SOX10: variants seen among roughly 807,000 people sequenced by gnomAD.
SOX10 encodes the protein transcription factor SOX-10.
Under a neutral mutation model 35.0 loss-of-function variants are expected in SOX10, and 3 were observed. The ratio of observed to expected loss-of-function variants is 0.09; its 90% CI spans 0.04 to 0.22. The LOEUF is 0.22. Among genes scored for constraint, SOX10 ranks in the 10% least tolerant of loss-of-function variants. The pLI, the probability that SOX10 is intolerant of heterozygous loss-of-function variation, is 1.00. For missense variants in SOX10, 436 were observed against 655.1 expected (o/e 0.67, Z 3.65); for synonymous variants, 285 against 291.0 (o/e 0.98, Z 0.21).
At chr22:37,975,246 T>C (rs941206551) in intron 3 of SOX10, among the ~76,000 whole-genome samples, 3 of 152,208 alleles carry the variant, frequency 2.0e-5, no homozygotes, top group Non-Finnish European at 4.4e-5. Context: ...GCTCATAGTC[T>C]AGTCATAGAT....
Position 37,983,230 on chromosome 22 carries a change from T to C in SOX10, c.428+127A>G. ...CGGGCGCGGCCCCCACACCTGGTCTTCCAGCCCTATCCAAGGAGGACTGCC... is the reference window on the plus strand; with the variant it reads ...CGGGCGCGGCCCCCACACCTGGTCTCCCAGCCCTATCCAAGGAGGACTGCC... On this transcript the variant is annotated intron_variant, in intron 2 of 3. Coordinates refer to ENST00000396884, the MANE Select transcript of SOX10 (RefSeq NM_006941.4). This position sits in a 1 kb window ranked among gnomAD's most constrained non-coding sequence, Gnocchi z 9.5. The C allele has an allele frequency of 1.7e-6, 2 of 1,162,612 alleles. No homozygotes were observed. The highest frequency in any genetic ancestry group is 2.5e-6 in the Non-Finnish European group (2 of 808,162). The allele number at this position is 1,162,612 out of a possible 1,614,324, so 72.0% of individuals were successfully genotyped here.
chr22:37,983,493 T>G lies in SOX10; in HGVS notation c.292A>C (p.Ser98Arg). ...VPMPVRVNGA[S>R]KSKPHVKRPM... Reference sequence around the variant, plus strand: ...CGCTTGACGTGCGGCTTGCTTTTGCTGGCGCCGTTGACGCGCACGGGCATG... The same window carrying G: ...CGCTTGACGTGCGGCTTGCTTTTGCGGGCGCCGTTGACGCGCACGGGCATG... The change falls in exon 2 of 4, where the codon AGC (serine) becomes CGC (arginine). Residue 98 changes from serine to arginine, a missense_variant. By Grantham distance (110) the Ser-to-Arg change is moderately radical. This residue lies in a region of SOX10 where 54 missense variants were observed against 156.7 expected (regional missense o/e 0.34). Transcript: ENST00000396884. The surrounding 1 kb of genome is among the most constrained non-coding windows in gnomAD (Gnocchi z 9.5). 1.2e-6 allele frequency: 2 copies of G among 1,611,642 alleles called. No individual in the cohort carries two copies. Among genetic ancestry groups the G allele is most frequent in the Non-Finnish European group, 1.7e-6 (2 of 1,179,350 alleles).
At position 37,983,476 on chromosome 22, in the gene SOX10, G is replaced by A. The variant is rs1267906231; in HGVS notation, c.309C>T (p.His103=). 6 of 1,612,006 alleles carry A rather than the reference G, an allele frequency of 3.7e-6. No homozygotes were observed. The highest frequency in any genetic ancestry group is 2.2e-5 in the East Asian group (1 of 44,840). Reference sequence around the variant, plus strand: ...TGAAGGCGTTCATGGGCCGCTTGACGTGCGGCTTGCTTTTGCTGGCGCCGT... The same window carrying A: ...TGAAGGCGTTCATGGGCCGCTTGACATGCGGCTTGCTTTTGCTGGCGCCGT... ...RVNGASKSKP[H]VKRPMNAFMV... is the part of the protein sequence containing the mutation. The change falls in exon 2 of 4, where the codon CAC becomes CAT. Residue 103 remains histidine (H), a synonymous_variant. Coordinates refer to ENST00000396884, the MANE Select transcript of SOX10 (RefSeq NM_006941.4). The surrounding 1 kb of genome is among the most constrained non-coding windows in gnomAD (Gnocchi z 9.5).
chr22:37,975,069 T>A (rs1303124733), intron 3 of SOX10, among the ~76,000 whole-genome samples: 1 of 152,248 alleles, frequency 6.6e-6, no homozygotes, highest in East Asian at 1.9e-4. Context: ...TTGAGCTGCC[T>A]TCCTCCATGG....
intron 3 of SOX10, 35 bp downstream of exon 3, chr22:37,977,832 C>T (rs2145767878): frequency 6.3e-7 from 1 of 1,591,626 alleles, no homozygotes; most frequent in Non-Finnish European, 8.6e-7. Context: ...ACTGACTGGC[C>T]TTGCCCCACC....
Position 37,973,140 on chromosome 22 carries a change from T to G in SOX10, c.*355A>C. On this transcript the variant is annotated 3_prime_UTR_variant, in exon 4 of 4. Coordinates refer to ENST00000396884, the MANE Select transcript of SOX10 (RefSeq NM_006941.4). ...GTCATAGGAGTGGTAAGGCCTCCGA[T>G]GCCACCAACCCTGGTGCTTCCCCTC... The G allele has an allele frequency of 3.8e-6, 1 of 262,448 alleles. No individual in the cohort carries two copies. The allele number at this position is 262,448 out of a possible 1,614,324, so 16.3% of individuals were successfully genotyped here.
In SOX10 at chr22:37,973,150, C is replaced by G. The variant is rs1024528331; in HGVS notation, c.*345G>C. ...TGGTAAGGCCTCCGATGCCACCAAC[C>G]CTGGTGCTTCCCCTCCCCGAGGAGG... is the stretch of plus-strand genomic sequence containing the variant. On this transcript the variant is annotated 3_prime_UTR_variant, in exon 4 of 4. Transcript: ENST00000396884. The G allele has an allele frequency of 7.0e-6, 2 of 284,186 alleles. No individual in the cohort carries two copies. Among genetic ancestry groups the G allele is most frequent in the Non-Finnish European group, 6.6e-6 (1 of 150,500 alleles). 17.6% of individuals were successfully genotyped at this position (284,186 alleles called of 1,614,324 possible).
rs1932369401 is a variant in SOX10, at chr22:37,980,635, C to G, written c.429-2500G>C. ...CCAATCTCCAGCACCAGTCCCCACT[C>G]AACATTACCAGCCCCAAACCCCCAA... On this transcript the variant is annotated intron_variant, in intron 2 of 3. Transcript: ENST00000396884. This position sits in a 1 kb window ranked among gnomAD's most constrained non-coding sequence, Gnocchi z 4.1. Among the ~76,000 whole-genome samples, 1 of 152,184 alleles carries G rather than the reference C, an allele frequency of 6.6e-6. No homozygotes were observed. Among genetic ancestry groups the G allele is most frequent in the Non-Finnish European group, 1.5e-5 (1 of 68,030 alleles).
chr22:37,975,464 G>T (rs1932192894), intron 3 of SOX10, among the ~76,000 whole-genome samples: 1 of 152,196 alleles, frequency 6.6e-6, no homozygotes, highest in Non-Finnish European at 1.5e-5. Context: ...ATGTGGTCCA[G>T]GGTCTCCTGA....
chr22:37,979,694 C>T (rs1000474971), intron 2 of SOX10, among the ~76,000 whole-genome samples: 26 of 152,056 alleles, frequency 1.7e-4, no homozygotes, highest in Non-Finnish European at 3.7e-4. Context: ...CCCTTGCCAC[C>T]GACTCCAGCC....
chr22:37,983,455 G>A lies in SOX10; in HGVS notation c.330C>T (p.Ala110=), dbSNP rs755005900. The A allele has an allele frequency of 1.2e-6, 2 of 1,612,402 alleles. No homozygotes were observed. The highest frequency in any genetic ancestry group is 1.3e-5 in the African/African-American group (1 of 75,048). ...GCGCTGCCTGAGCCCACACCATGAAGGCGTTCATGGGCCGCTTGACGTGCG... is the reference window on the plus strand; with the variant it reads ...GCGCTGCCTGAGCCCACACCATGAAAGCGTTCATGGGCCGCTTGACGTGCG... ...SKPHVKRPMN[A]FMVWAQAARR... is the part of the protein sequence containing the mutation. Residue 110 remains alanine, a synonymous_variant, in exon 2 of 4, where the codon GCC becomes GCT. Transcript: ENST00000396884. The surrounding 1 kb of genome is among the most constrained non-coding windows in gnomAD (Gnocchi z 9.5).
rs1932125652 is a variant in SOX10, at chr22:37,973,593, G to A, written c.1303C>T (p.Leu435Phe). ...FSYMGPSQRP[L>F]YTAISDPSPS... The stretch of plus-strand genomic sequence containing the variant: ...CTGGGGTCAGAGATGGCCGTGTAGA[G>A]GGGCCGCTGCGAGGGCCCCATATAG... The change falls in exon 4 of 4, where the codon CTC becomes TTC. Residue 435 changes from leucine (L) to phenylalanine (F), a missense_variant. Transcript: ENST00000396884. The A allele has an allele frequency of 6.2e-7, 1 of 1,613,112 alleles. No individual in the cohort carries two copies.
chr22:37,973,931 C>CT lies in SOX10; in HGVS notation c.964dup (p.Ser322LysfsTer80). Reference sequence around the variant, plus strand: ...GTGTCCACTGGCCACGGCCAGGGCACTGCCCAGCCCATAGCCGGCTGCTGA... The same window carrying CT: ...GTGTCCACTGGCCACGGCCAGGGCACTTGCCCAGCCCATAGCCGGCTGCTGA... On this transcript the variant is annotated frameshift_variant, in exon 4 of 4. Coordinates refer to ENST00000396884, the MANE Select transcript of SOX10 (RefSeq NM_006941.4). LOFTEE classifies it high-confidence loss of function. 1 of 1,610,468 alleles carries CT rather than the reference C, an allele frequency of 6.2e-7. No individual in the cohort carries two copies. The highest frequency in any genetic ancestry group is 8.5e-7 in the Non-Finnish European group (1 of 1,179,928).
In SOX10 at chr22:37,973,331, G is replaced by A. The variant is rs1932115114; in HGVS notation, c.*164C>T. The A allele has an allele frequency of 1.7e-6, 1 of 588,316 alleles. No homozygotes were observed. Among genetic ancestry groups the A allele is most frequent in the East Asian group, 2.8e-5 (1 of 35,920 alleles). 36.4% of individuals were successfully genotyped at this position (588,316 alleles called of 1,614,324 possible). ...CTGCTGGAGCCTGGATGGGGCGGGT[G>A]GGTCATCAGGGCAGTGAGCCAGACA... On this transcript the variant is annotated 3_prime_UTR_variant, in exon 4 of 4. Transcript: ENST00000396884.
At position 37,983,906 on chromosome 22, in the gene SOX10, G is replaced by A; in HGVS notation, c.-84-38C>T. The A allele has an allele frequency of 4.8e-6, 4 of 837,438 alleles. No individual in the cohort carries two copies. Among genetic ancestry groups the A allele is most frequent in the Non-Finnish European group, 4.8e-6 (3 of 621,362 alleles). 51.9% of individuals were successfully genotyped at this position (837,438 alleles called of 1,614,324 possible). A position where few individuals can be genotyped will look rare whatever the true frequency, so the allele number is the denominator to read the frequency against. ...AGGGCGCGATGGAGCGGCCGCGCGC[G>A]CAGCCCCGAGGGCGGCCCGAGACAG... On this transcript the variant is annotated intron_variant, in intron 1 of 3. Transcript: ENST00000396884. This position sits in a 1 kb window ranked among gnomAD's most constrained non-coding sequence, Gnocchi z 9.5.
chr22:37,978,089 G>T lies in SOX10; in HGVS notation c.475C>A (p.Arg159=). The change falls in exon 3 of 4, where the codon CGG becomes AGG. Residue 159 remains arginine (R), a synonymous_variant. Transcript: ENST00000396884. This position sits in a 1 kb window ranked among gnomAD's most constrained non-coding sequence, Gnocchi z 5.0. The stretch of plus-strand genomic sequence containing the variant: ...TCTTTCTTGTGCTGCATACGGAGCC[G>T]CTCAGCCTCCTCGATGAAGGGGCGC... ...DKRPFIEEAE[R]LRMQHKKDHP... The T allele has an allele frequency of 1.9e-6, 3 of 1,595,506 alleles. No individual in the cohort carries two copies. Among genetic ancestry groups the T allele is most frequent in the African/African-American group, 2.7e-5 (2 of 74,694 alleles).
At chr22:37,977,740 G>T in intron 3 of SOX10, 127 bp downstream of exon 3, 1 of 1,056,794 alleles carries the variant, frequency 9.5e-7, no homozygotes, top group Non-Finnish European at 1.4e-6. Context: ...GGCCCCTGCA[G>T]CTCTGCTGGG....
At chr22:37,981,211 A>G (rs1337019835) in intron 2 of SOX10, among the ~76,000 whole-genome samples, 1 of 152,052 alleles carries the variant, frequency 6.6e-6, no homozygotes, top group Non-Finnish European at 1.5e-5. Flanking sequence ...TAACCACCCC[A>G]CTTCTTGACA....
intron 3 of SOX10, among the ~76,000 whole-genome samples, chr22:37,976,145 C>T (rs1183836717): frequency 6.6e-6 from 1 of 152,176 alleles, no homozygotes; most frequent in Non-Finnish European, 1.5e-5. Flanking sequence ...ATCGCTTAAA[C>T]CCAGGAGGCA....
Sources: gnomAD v4.1 joint callset for allele counts (sites outside exome capture counted in the v4.1 genomes callset) on GRCh38, gnomAD v4.1.1 for gene constraint, gnomAD v4.1.1 regional missense constraint, Gnocchi (gnomAD v3.1) non-coding constraint, MANE v1.5 for transcripts, NCBI Gene and HGNC (gene_info 2026-07-23, HGNC 2026-07-21) for gene names.